The following TECTA variants were observed in gnomAD, a reference collection of about 807,000 sequenced individuals.
TECTA encodes the protein alpha-tectorin.
TECTA carries 128 observed loss-of-function variants against 216.8 expected under a neutral mutation model. The ratio of observed to expected loss-of-function variants is 0.59; its 90% CI spans 0.51 to 0.68. The LOEUF (loss-of-function observed/expected upper bound fraction) is 0.68. Ranked by LOEUF, TECTA falls within the 30% of genes least tolerant of loss-of-function variation. The pLI is 0.00. For synonymous variants in TECTA, 1,089 were observed against 1,117.1 expected (o/e 0.97, Z 0.50); for missense variants, 2,551 against 2,786.2 (o/e 0.92, Z 1.90).
Position 121,109,367 on chromosome 11 carries a change from C to T in TECTA, c.355C>T (p.Pro119Ser), listed in dbSNP as rs376581881. 5.0e-6 allele frequency: 8 copies of T among 1,614,024 alleles called. No homozygotes were observed. The African/African-American group carries it at 9.3e-5, about 19-fold the overall frequency. The change falls in exon 4 of 24, where the codon CCT becomes TCT. Residue 119 changes from proline (P) to serine (S), a missense_variant. By Grantham distance (74) the Pro-to-Ser change is moderately conservative. Transcript: ENST00000392793. ...GATCTATTACAGAGAGACCATGGAG[C>T]CTGCCATCTTGAAAAGAGCCACCAA... ...GEIYYRETME[P>S]AILKRATKDI... is the part of the protein sequence containing the mutation.
At chr11:121,126,079 T>G (rs1325143000) in intron 8 of TECTA, among the ~76,000 whole-genome samples, 1 of 152,200 alleles carries the variant, frequency 6.6e-6, no homozygotes, top group African/African-American at 2.4e-5. Context: ...AAGAACCCAT[T>G]GATGAACATA....
intron 18 of TECTA, 124 bp downstream of exon 18, chr11:121,166,904 G>A (rs1565535740): frequency 2.8e-6 from 3 of 1,071,124 alleles, no homozygotes; most frequent in Non-Finnish European, 4.2e-6. Context: ...TTAGAAAACA[G>A]CAATAGGCAT....
chr11:121,178,475 T>C (rs1477801950), intron 20 of TECTA, among the ~76,000 whole-genome samples: 1 of 151,822 alleles, frequency 6.6e-6, no homozygotes, highest in Admixed American at 6.6e-5. Context: ...TAGTATTTTC[T>C]TGAGGATTTT....
At chr11:121,166,976 A>G (rs998166535) in intron 18 of TECTA, among the ~76,000 whole-genome samples, 196 bp downstream of exon 18, 1 of 152,220 alleles carries the variant, frequency 6.6e-6, no homozygotes, top group Non-Finnish European at 1.5e-5. Context: ...ACGGAGTTGA[A>G]AGAGTGATGT....
chr11:121,176,509 A>ATTGGCCACCACTC (rs1423759222), intron 20 of TECTA, among the ~76,000 whole-genome samples: 1 of 99,342 alleles, frequency 1.0e-5, no homozygotes, highest in Non-Finnish European at 1.8e-5. Flanking sequence ...AATGTCAAAT[A>ATTGGCCACCACTC]TCTTCTGGCT....
chr11:121,113,817 T>C lies in TECTA; in HGVS notation c.790+99T>C. On this transcript the variant is annotated intron_variant, in intron 6 of 23. Transcript: ENST00000392793. This position sits in a 1 kb window ranked among gnomAD's most constrained non-coding sequence, Gnocchi z 4.2. The stretch of plus-strand genomic sequence containing the variant: ...GGGGGCGGACTCATTCCTGATGCCT[T>C]ACTCTTTTGACATCTCTCCGCTGGG... 1.4e-6 allele frequency: 2 copies of C among 1,414,250 alleles called. No homozygotes were observed. Among genetic ancestry groups the C allele is most frequent in the Non-Finnish European group, 2.0e-6 (2 of 1,017,010 alleles). The allele number at this position is 1,414,250 out of a possible 1,614,324, so 87.6% of individuals were successfully genotyped here.
In TECTA at chr11:121,160,193, G is replaced by A. The variant is rs1946983846; in HGVS notation, c.4748G>A (p.Ser1583Asn). Residue 1583 changes from serine (S) to asparagine (N), a missense_variant, in exon 15 of 24, where the codon AGC becomes AAC. This residue lies in a region of TECTA where 2,375 missense variants were observed against 2,563.9 expected (regional missense o/e 0.93). Coordinates refer to ENST00000392793, the MANE Select transcript of TECTA (RefSeq NM_005422.4). ...FITGLATKIY[S>N]SEGFLVIDTS... ...ACTGGTTTGGCAACCAAAATCTACA[G>A]CAGTGAGGGGTTTCTGGTGATTGAC... The A allele has an allele frequency of 6.2e-7, 1 of 1,614,068 alleles. No homozygotes were observed. The highest frequency in any genetic ancestry group is 1.7e-5 in the Admixed American group (1 of 60,008).
At chr11:121,103,136 A>G (rs1219060749) in intron 2 of TECTA, among the ~76,000 whole-genome samples, 2 of 152,220 alleles carry the variant, frequency 1.3e-5, no homozygotes, top group Admixed American at 1.3e-4. Flanking sequence ...CTAGGAAATT[A>G]CAATAGCATT....
At position 121,118,623 on chromosome 11, in the gene TECTA, C is replaced by T. The variant is rs762858414; in HGVS notation, c.1108C>T (p.Arg370Cys). 2.0e-5 allele frequency: 33 copies of T among 1,614,004 alleles called. No individual in the cohort carries two copies. The highest frequency in any genetic ancestry group is 2.7e-5 in the African/African-American group (2 of 74,898). Residue 370 changes from arginine (R) to cysteine (C), a missense_variant, in exon 7 of 24, where the codon CGC becomes TGC. By Grantham distance (180) the Arg-to-Cys change is radical. This residue lies in a region of TECTA where 2,375 missense variants were observed against 2,563.9 expected (regional missense o/e 0.93). Transcript: ENST00000392793. ...CAGTGTGGAGGCCAAGAATGAACAC[C>T]GCAGAGGTTCAGCCGTCTCCTGGGT... ...FFSVEAKNEH[R>C]RGSAVSWVKE... is the part of the protein sequence containing the mutation.
At chr11:121,153,931 T>G (rs1039449157) in intron 13 of TECTA, among the ~76,000 whole-genome samples, 17 of 152,134 alleles carry the variant, frequency 1.1e-4, no homozygotes, top group Admixed American at 1.1e-3. Flanking sequence ...GGTTAACAAC[T>G]ACAGATAATT....
At position 121,168,720 on chromosome 11, in the gene TECTA, A is replaced by G. The variant is rs1262490239; in HGVS notation, c.5794A>G (p.Thr1932Ala). ...TCCAACCCAAGAAGGCAGCTTCATC[A>G]CCAAGATGGCTCTCTACAAAAACGC... The part of the protein sequence containing the change: ...TVPTQEGSFI[T>A]KMALYKNASY... Residue 1932 changes from threonine to alanine, a missense_variant, in exon 20 of 24, where the codon ACC (threonine) becomes GCC (alanine). Physicochemically the swap from Thr to Ala is moderately conservative, Grantham distance 58. This residue lies in a region of TECTA where 2,375 missense variants were observed against 2,563.9 expected (regional missense o/e 0.93). Coordinates refer to ENST00000392793, the MANE Select transcript of TECTA (RefSeq NM_005422.4). 2.5e-6 allele frequency: 4 copies of G among 1,614,038 alleles called. No homozygotes were observed. The highest frequency in any genetic ancestry group is 3.4e-6 in the Non-Finnish European group (4 of 1,180,010).
intron 15 of TECTA, among the ~76,000 whole-genome samples, chr11:121,161,080 A>C (rs1565533971): frequency 6.6e-6 from 1 of 152,138 alleles, no homozygotes; most frequent in African/African-American, 2.4e-5. Context: ...CAATGGCTCA[A>C]TCACATTGCT....
chr11:121,176,922 A>C (rs1947173356), intron 20 of TECTA, among the ~76,000 whole-genome samples: 1 of 151,642 alleles, frequency 6.6e-6, no homozygotes, highest in South Asian at 2.1e-4. Context: ...CATTTCATTC[A>C]TTTCATCTTC....
intron 11 of TECTA, chr11:121,141,066 A>G (rs1487999038): frequency 6.6e-6 from 1 of 152,200 alleles, no homozygotes; most frequent in Admixed American, 6.5e-5. Context: ...CAAGTTGGAA[A>G]CAGAGTATAC....
chr11:121,127,857 G>A lies in TECTA; in HGVS notation c.1880G>A (p.Cys627Tyr). ...LTASRNCATPCTEGCECNQGF... is the reference protein window; with the variant it reads ...LTASRNCATPYTEGCECNQGF... ...GCCTCGCGGAACTGCGCCACGCCGT[G>A]CACAGAGGGCTGCGAGTGCAACCAG... The change falls in exon 9 of 24, where the codon TGC (cysteine) becomes TAC (tyrosine). Residue 627 changes from cysteine to tyrosine, a missense_variant. By Grantham distance (194) the Cys-to-Tyr change is radical (BLOSUM62 -2). Around this residue, in one of 3 missense-constraint regions of TECTA, gnomAD observed 2,375 missense variants for 2,563.9 expected, o/e 0.93. Transcript: ENST00000392793. The surrounding 1 kb of genome is among the most constrained non-coding windows in gnomAD (Gnocchi z 5.0). 6.2e-7 allele frequency: 1 copy of A among 1,614,034 alleles called. No individual in the cohort carries two copies. Among genetic ancestry groups the A allele is most frequent in the East Asian group, 2.2e-5 (1 of 44,882 alleles).
Position 121,108,264 on chromosome 11 carries a change from C to T in TECTA, c.199-947C>T, listed in dbSNP as rs116373866. On this transcript the variant is annotated intron_variant, in intron 3 of 23. Transcript: ENST00000392793. ...CTCCCTGTCTGGCCCAGCACATACACGCATGCCACCCCCAGTACACACATA... is the reference window on the plus strand; with the variant it reads ...CTCCCTGTCTGGCCCAGCACATACATGCATGCCACCCCCAGTACACACATA... Among the ~76,000 whole-genome samples the T allele has an allele frequency of 3.9e-3, 594 of 151,944 alleles. 5 individuals carry two copies. Among genetic ancestry groups the T allele is most frequent in the African/African-American group, 0.014 (563 of 41,400 alleles).
chr11:121,124,400 T>C (rs1946587216), intron 7 of TECTA, among the ~76,000 whole-genome samples: 1 of 152,172 alleles, frequency 6.6e-6, no homozygotes, highest in African/African-American at 2.4e-5. Flanking sequence ...CTCACCCTCC[T>C]GCCTCTGCTC....
chr11:121,119,014 C>CAAAT (rs200989793), intron 7 of TECTA, among the ~76,000 whole-genome samples: 1 of 100,472 alleles, frequency 1.0e-5, no homozygotes, highest in African/African-American at 2.8e-5. Flanking sequence ...CACACACACA[C>CAAAT]ACACACACAC....
intron 12 of TECTA, among the ~76,000 whole-genome samples, chr11:121,148,027 A>C (rs1050813036): frequency 6.6e-6 from 1 of 152,154 alleles, no homozygotes; most frequent in Non-Finnish European, 1.5e-5. Flanking sequence ...AAAGAGTAAG[A>C]AGGTGATTTT....
Sources: allele counts gnomAD v4.1 joint callset (sites outside exome capture counted in the v4.1 genomes callset), GRCh38; gene constraint gnomAD v4.1.1; regional missense constraint gnomAD v4.1.1; non-coding constraint Gnocchi (gnomAD v3.1); transcripts MANE v1.5; gene names NCBI Gene and HGNC (gene_info 2026-07-23, HGNC 2026-07-21).